Variants in R3HCC1L observed in about 807,000 individuals in gnomAD.
R3HCC1L encodes the protein R3H domain and coiled-coil containing 1 like.
In R3HCC1L, 51 loss-of-function variants were observed where a neutral mutation model predicts 59.9. That is an observed-to-expected ratio of 0.85 (90% CI 0.68 to 1.07). The LOEUF is 1.07. Among genes scored for constraint, R3HCC1L ranks in the 50% least tolerant of loss-of-function variants. The pLI is 0.00. For missense variants in R3HCC1L, 965 were observed against 933.0 expected (o/e 1.03, Z -0.45); for synonymous variants, 322 against 315.2 (o/e 1.02, Z -0.23).
intron 1 of R3HCC1L, among the ~76,000 whole-genome samples, chr10:98,144,504 G>A (rs921053107): frequency 6.6e-6 from 1 of 152,138 alleles, no homozygotes; most frequent in Non-Finnish European, 1.5e-5. Flanking sequence ...GTGAGCCACC[G>A]TGCCCAGCCT....
At position 98,185,140 on chromosome 10, in the gene R3HCC1L, G is replaced by A. The variant is rs925024795; in HGVS notation, c.-15+21743G>A. Reference sequence around the variant, plus strand: ...CTTTATTGAGGATGTCTATTGATACGGGATTTTTGATGGTTAAAGTATCTT... The same window carrying A: ...CTTTATTGAGGATGTCTATTGATACAGGATTTTTGATGGTTAAAGTATCTT... On this transcript the variant is annotated intron_variant, in intron 4 of 9. Transcript: ENST00000298999. Among the ~76,000 whole-genome samples, 6 of 152,176 alleles carry A rather than the reference G, an allele frequency of 3.9e-5. No homozygotes were observed. In the East Asian group the frequency reaches 5.8e-4, roughly 15 times the overall value.
At chr10:98,243,894 A>C (rs184011854) in intron 9 of R3HCC1L, among the ~76,000 whole-genome samples, 197 bp from the exon 10 acceptor site, 1 of 152,334 alleles carries the variant, frequency 6.6e-6, no homozygotes, top group Admixed American at 6.5e-5. Context: ...ATAGTAGTAA[A>C]TGTAATGACT....
chr10:98,211,461 A>T, intron 5 of R3HCC1L: 1 of 1,308,514 alleles, frequency 7.6e-7, no homozygotes, highest in Non-Finnish European at 1.0e-6. Context: ...CAGGTTAAGA[A>T]ATAATAATAA....
chr10:98,139,139 A>G (rs1238415656), intron 1 of R3HCC1L, among the ~76,000 whole-genome samples: 8 of 152,160 alleles, frequency 5.3e-5, no homozygotes, highest in Non-Finnish European at 7.3e-5. Context: ...TGAGTCTGTG[A>G]CCTTGTCCTC....
At chr10:98,201,011 T>C (rs1374459088) in intron 4 of R3HCC1L, among the ~76,000 whole-genome samples, 1 of 152,188 alleles carries the variant, frequency 6.6e-6, no homozygotes, top group Non-Finnish European at 1.5e-5. Flanking sequence ...GGGAAAATCG[T>C]AGACCAGTCT....
chr10:98,192,320 A>C (rs1433153118), intron 4 of R3HCC1L, among the ~76,000 whole-genome samples: 1 of 152,158 alleles, frequency 6.6e-6, no homozygotes, highest in African/African-American at 2.4e-5. Context: ...CAAAATAGAA[A>C]ATAGGAAAAT....
intron 4 of R3HCC1L, among the ~76,000 whole-genome samples, chr10:98,171,372 C>A (rs1210367650): frequency 1.3e-5 from 2 of 152,162 alleles, no homozygotes; most frequent in Admixed American, 1.3e-4. Context: ...CTTAATACAA[C>A]ACTTTAATAA....
intron 4 of R3HCC1L, among the ~76,000 whole-genome samples, chr10:98,167,311 T>C (rs1349605377): frequency 1.3e-5 from 2 of 152,228 alleles, no homozygotes; most frequent in African/African-American, 4.8e-5. Flanking sequence ...AGAGAAACTC[T>C]TAAATTTATT....
intron 5 of R3HCC1L, among the ~76,000 whole-genome samples, chr10:98,216,711 C>A (rs1305883905): frequency 6.6e-6 from 1 of 151,956 alleles, no homozygotes; most frequent in Non-Finnish European, 1.5e-5. Flanking sequence ...TAGCTGGGAC[C>A]ACAGGAGTAT....
At chr10:98,195,686 A>G (rs1359562128) in intron 4 of R3HCC1L, among the ~76,000 whole-genome samples, 1 of 152,122 alleles carries the variant, frequency 6.6e-6, no homozygotes, top group Non-Finnish European at 1.5e-5. Flanking sequence ...TATTTTTAAA[A>G]CTGTACCTTG....
intron 4 of R3HCC1L, among the ~76,000 whole-genome samples, chr10:98,167,863 G>C (rs984540740): frequency 6.6e-6 from 1 of 152,200 alleles, no homozygotes; most frequent in Non-Finnish European, 1.5e-5. Context: ...AGCTGAGATT[G>C]AGTCTGGTGG....
intron 1 of R3HCC1L, among the ~76,000 whole-genome samples, chr10:98,144,089 T>A (rs11189492): frequency 6.6e-6 from 1 of 151,982 alleles, no homozygotes; most frequent in African/African-American, 2.4e-5. Context: ...AGAAGATTGC[T>A]TGAGCTCAGG....
chr10:98,160,388 AAT>A (rs1847292803), intron 2 of R3HCC1L, among the ~76,000 whole-genome samples: 2 of 152,228 alleles, frequency 1.3e-5, no homozygotes, highest in Non-Finnish European at 2.9e-5. Context: ...ATATTTTAAT[AAT>A]AGTTTATGTT....
chr10:98,230,376 TTTATA>T (rs1277535524), intron 5 of R3HCC1L, among the ~76,000 whole-genome samples: 1 of 152,194 alleles, frequency 6.6e-6, no homozygotes, highest in Non-Finnish European at 1.5e-5. Context: ...CGTAGAGGTG[TTTATA>T]GTATTCTCTG....
At chr10:98,226,270 A>G (rs1427736473) in intron 5 of R3HCC1L, among the ~76,000 whole-genome samples, 2 of 152,240 alleles carry the variant, frequency 1.3e-5, no homozygotes, top group African/African-American at 4.8e-5. Context: ...GGTTTTGCAA[A>G]GTAACTCAAA....
In R3HCC1L at chr10:98,220,491, C is replaced by T. The variant is rs551377000; in HGVS notation, c.1785+10592C>T. Among the ~76,000 whole-genome samples, 36 of 147,404 alleles carry T rather than the reference C, an allele frequency of 2.4e-4. No homozygotes were observed. The South Asian group carries it at 7.4e-3, about 30-fold the overall frequency. On this transcript the variant is annotated intron_variant, in intron 5 of 9. Transcript: ENST00000298999. ...TGCTGGTGCACTGCACCCACTAACT[C>T]GTCATCTAGCATTAGGTATCTCTCC...
chr10:98,236,287 AGT>A, intron 9 of R3HCC1L, 123 bp downstream of exon 9: 1 of 1,286,476 alleles, frequency 7.8e-7, no homozygotes, highest in Non-Finnish European at 1.1e-6. Flanking sequence ...AAGCCTCCTA[AGT>A]GTATAGAAAT....
At chr10:98,222,427 G>A (rs1349839429) in intron 5 of R3HCC1L, among the ~76,000 whole-genome samples, 1 of 152,014 alleles carries the variant, frequency 6.6e-6, no homozygotes, top group Non-Finnish European at 1.5e-5. Context: ...TTGAATAGGA[G>A]TGGTGAGAGA....
chr10:98,229,191 A>T (rs559086116), intron 5 of R3HCC1L, among the ~76,000 whole-genome samples: 4 of 152,118 alleles, frequency 2.6e-5, no homozygotes, highest in South Asian at 2.1e-4. Context: ...GGCCATTTTC[A>T]CGATATTGAT....
Sources: allele counts gnomAD v4.1 joint callset (sites outside exome capture counted in the v4.1 genomes callset), GRCh38; gene constraint gnomAD v4.1.1; transcripts MANE v1.5; gene names NCBI Gene and HGNC (gene_info 2026-07-23, HGNC 2026-07-21).